The following SCFD1 variants were observed in gnomAD, a reference collection of about 807,000 sequenced individuals.
SCFD1 encodes the protein sec1 family domain-containing protein 1.
Under a neutral mutation model 103.2 loss-of-function variants are expected in SCFD1, and 37 were observed. The ratio of observed to expected loss-of-function variants is 0.36; its 90% CI spans 0.28 to 0.47. SCFD1 has a LOEUF of 0.47. Ranked by LOEUF, SCFD1 falls within the 20% of genes least tolerant of loss-of-function variation. SCFD1 has a pLI of 1.00. For synonymous variants in SCFD1, 264 were observed against 245.0 expected, an observed-to-expected ratio of 1.08 and a Z score of -0.73; for missense variants, 639 against 761.2, an observed-to-expected ratio of 0.84 and a Z score of 1.89.
At chr14:30,717,998 C>T (rs1892401886) in intron 20 of SCFD1, among the ~76,000 whole-genome samples, 1 of 152,028 alleles carries the variant, frequency 6.6e-6, no homozygotes, top group South Asian at 2.1e-4. Context: ...GGTGAGGACA[C>T]TGTAGTGCAA....
Position 30,649,871 on chromosome 14 carries a change from A to G in SCFD1, c.669+288A>G, listed in dbSNP as rs1350291225. Among the ~76,000 whole-genome samples the G allele has an allele frequency of 5.9e-5, 9 of 152,166 alleles. No individual in the cohort carries two copies. In the South Asian group the frequency reaches 1.7e-3, roughly 28 times the overall value. ...ATTCAACCTTGTCTCTCCAAGCAGT[A>G]TTTTACACTTATTTGATCCCCCAGA... On this transcript the variant is annotated intron_variant, in intron 8 of 24. Coordinates refer to ENST00000458591, the MANE Select transcript of SCFD1 (RefSeq NM_016106.4).
chr14:30,694,474 C>G (rs990479164), intron 14 of SCFD1, among the ~76,000 whole-genome samples: 3 of 151,794 alleles, frequency 2.0e-5, no homozygotes, highest in Non-Finnish European at 4.4e-5. Flanking sequence ...GAGTTTAAGA[C>G]CAGCCTGCAC....
Position 30,731,800 on chromosome 14 carries a change from C to G in SCFD1, c.1837-2990C>G, listed in dbSNP as rs374873422. Among the ~76,000 whole-genome samples, 23 of 152,296 alleles carry G rather than the reference C, an allele frequency of 1.5e-4. No homozygotes were observed. In the East Asian group the frequency reaches 4.2e-3, roughly 28 times the overall value. On this transcript the variant is annotated intron_variant, in intron 23 of 24. Transcript: ENST00000458591. ...GATATACAATCATGTCATCTGCAAA[C>G]AGGGACAATTTGACTTCCTCTTTTC...
chr14:30,640,697 A>C (rs540370876), intron 6 of SCFD1, among the ~76,000 whole-genome samples: 1 of 152,020 alleles, frequency 6.6e-6, no homozygotes, highest in East Asian at 1.9e-4. Flanking sequence ...TTTTTTAGGT[A>C]CTGTACTTCA....
intron 10 of SCFD1, among the ~76,000 whole-genome samples, chr14:30,660,125 A>G (rs2139149588): frequency 1.3e-5 from 2 of 152,316 alleles, no homozygotes; most frequent in Middle Eastern, 3.4e-3. Flanking sequence ...GGATCCAGAA[A>G]TACATCTATA....
intron 18 of SCFD1, among the ~76,000 whole-genome samples, chr14:30,706,227 C>G (rs1378660396): frequency 2.6e-5 from 4 of 152,100 alleles, no homozygotes; most frequent in Non-Finnish European, 5.9e-5. Flanking sequence ...ATGTCTTTTA[C>G]ATGGTATGAG....
chr14:30,678,621 A>T (rs1411179400), intron 14 of SCFD1, among the ~76,000 whole-genome samples: 1 of 152,178 alleles, frequency 6.6e-6, no homozygotes, highest in Non-Finnish European at 1.5e-5. Context: ...TCACCTATGT[A>T]GCAAACCTGA....
At chr14:30,707,887 C>A (rs1167698032) in intron 18 of SCFD1, 103 bp from the exon 19 acceptor site, 2 of 831,058 alleles carry the variant, frequency 2.4e-6, no homozygotes, top group South Asian at 1.3e-5. Context: ...GTAGGTACAG[C>A]GAGCATCAGC....
chr14:30,651,609 A>C (rs530297027), intron 9 of SCFD1, among the ~76,000 whole-genome samples: 6 of 145,674 alleles, frequency 4.1e-5, no homozygotes, highest in Admixed American at 4.0e-4. Context: ...GTCATATCTT[A>C]CTTAATAGTT....
intron 7 of SCFD1, among the ~76,000 whole-genome samples, chr14:30,649,009 A>G (rs1886141340): frequency 6.6e-6 from 1 of 150,876 alleles, no homozygotes; most frequent in Non-Finnish European, 1.5e-5. Flanking sequence ...AAAACTGCCC[A>G]TAGGGGATCA....
At chr14:30,653,642 C>G (rs1267146591) in intron 10 of SCFD1, 54 bp downstream of exon 10, 6 of 1,199,576 alleles carry the variant, frequency 5.0e-6, no homozygotes, top group Non-Finnish European at 7.2e-6. Flanking sequence ...TGCAGTGTTC[C>G]CTTTAATTTA....
chr14:30,673,543 AAT>A (rs1888743758), intron 12 of SCFD1, among the ~76,000 whole-genome samples, 196 bp downstream of exon 12: 1 of 152,210 alleles, frequency 6.6e-6, no homozygotes, highest in South Asian at 2.1e-4. Flanking sequence ...GATTTGAAAA[AAT>A]ATATAATGTA....
intron 14 of SCFD1, among the ~76,000 whole-genome samples, chr14:30,681,829 C>T (rs1197502208): frequency 6.6e-6 from 1 of 152,036 alleles, no homozygotes; most frequent in African/African-American, 2.4e-5. Context: ...ATATCAGTTA[C>T]CCTTATAGAT....
chr14:30,732,682 C>T (rs948899609), intron 23 of SCFD1, among the ~76,000 whole-genome samples: 1 of 152,196 alleles, frequency 6.6e-6, no homozygotes, highest in African/African-American at 2.4e-5. Context: ...ACAGAATTAA[C>T]TAACATGGCC....
chr14:30,643,523 G>A lies in SCFD1; in HGVS notation c.613+118G>A. ...TACCTGGATCTCTAGAGGTTCTCGA[G>A]TGGAGTAAAATATATATTCAATAGT... On this transcript the variant is annotated intron_variant, in intron 7 of 24. Coordinates refer to ENST00000458591, the MANE Select transcript of SCFD1 (RefSeq NM_016106.4). 4.2e-6 allele frequency: 3 copies of A among 715,834 alleles called. No individual in the cohort carries two copies. In the East Asian group the frequency reaches 7.9e-5, roughly 19 times the overall value. The allele number at this position is 715,834 out of a possible 1,614,324, so 44.3% of individuals were successfully genotyped here. A position where few individuals can be genotyped will look rare whatever the true frequency, so the allele number is the denominator to read the frequency against.
intron 7 of SCFD1, among the ~76,000 whole-genome samples, chr14:30,649,260 G>T (rs1401244989): frequency 1.3e-5 from 2 of 152,012 alleles, no homozygotes; most frequent in Non-Finnish European, 2.9e-5. Context: ...TGAGTACAGT[G>T]TTCACTGTTC....
chr14:30,712,250 A>G (rs1268602858), intron 19 of SCFD1, among the ~76,000 whole-genome samples: 5 of 152,168 alleles, frequency 3.3e-5, no homozygotes, highest in Non-Finnish European at 7.3e-5. Context: ...GTCCTCTTAC[A>G]GGAGGTCCAC....
intron 16 of SCFD1, 134 bp downstream of exon 16, chr14:30,700,392 G>T: frequency 1.5e-6 from 1 of 675,226 alleles, no homozygotes; most frequent in East Asian, 2.7e-5. Flanking sequence ...AAGAAAAATG[G>T]CCAGGCGTGG....
chr14:30,697,906 A>G (rs978413181), intron 15 of SCFD1, among the ~76,000 whole-genome samples: 1 of 152,230 alleles, frequency 6.6e-6, no homozygotes, highest in African/African-American at 2.4e-5. Context: ...TCCTTTTTCC[A>G]TTAAATATAC....
Sources: allele counts gnomAD v4.1 joint callset (sites outside exome capture counted in the v4.1 genomes callset), GRCh38; gene constraint gnomAD v4.1.1; transcripts MANE v1.5; gene names NCBI Gene and HGNC (gene_info 2026-07-23, HGNC 2026-07-21).